EYS: variants seen among roughly 807,000 people sequenced by gnomAD.
EYS encodes EGF-like photoreceptor maintenance factor.
EYS carries 250 observed loss-of-function variants against 282.1 expected under a neutral mutation model. The observed-to-expected ratio is 0.89, with a 90% CI of 0.80 to 0.98. The LOEUF (loss-of-function observed/expected upper bound fraction) is 0.98, where lower values mean the gene tolerates loss of function less well. EYS is among the 50% of genes least tolerant of loss of function. EYS has a pLI of 0.00. For missense variants in EYS, 4,016 were observed against 3,709.0 expected, an observed-to-expected ratio of 1.08 and a Z score of -2.15; for synonymous variants, 1,355 against 1,282.9, an observed-to-expected ratio of 1.06 and a Z score of -1.20.
intron 5 of EYS, among the ~76,000 whole-genome samples, chr6:65,457,769 A>T (rs185866497): frequency 6.6e-6 from 1 of 152,304 alleles, no homozygotes; most frequent in Non-Finnish European, 1.5e-5. Context: ...CCTACAAATC[A>T]AGCTTAAACA....
chr6:65,110,491 A>G (rs4485992), intron 12 of EYS, among the ~76,000 whole-genome samples: 39,532 of 152,014 alleles, frequency 0.26, 6,291 homozygotes, highest in African/African-American at 0.44. Flanking sequence ...GAGGGCAAGG[A>G]CATTTGAATT....
At chr6:64,826,429 C>A (rs150560824) in intron 19 of EYS, among the ~76,000 whole-genome samples, 2 of 151,780 alleles carry the variant, frequency 1.3e-5, no homozygotes, top group East Asian at 3.9e-4. Flanking sequence ...CTTTTTTAAG[C>A]AGATTGGAAG....
chr6:64,391,083 T>C (rs1773116424), intron 28 of EYS, among the ~76,000 whole-genome samples: 1 of 151,882 alleles, frequency 6.6e-6, no homozygotes, highest in Non-Finnish European at 1.5e-5. Flanking sequence ...GAAAAAAGAA[T>C]AAAAAGAAAG....
chr6:64,001,024 G>A (rs1768074121), intron 33 of EYS, among the ~76,000 whole-genome samples: 1 of 152,186 alleles, frequency 6.6e-6, no homozygotes, highest in African/African-American at 2.4e-5. Flanking sequence ...TTGAGGAAAA[G>A]CCTAAGAGCA....
At chr6:64,630,535 T>C (rs1035695391) in intron 22 of EYS, among the ~76,000 whole-genome samples, 2 of 152,214 alleles carry the variant, frequency 1.3e-5, no homozygotes, top group African/African-American at 2.4e-5. Context: ...TGATACATGA[T>C]ATGATAATGA....
chr6:65,041,189 GAGA>G (rs750267995), intron 13 of EYS, among the ~76,000 whole-genome samples: 1 of 151,652 alleles, frequency 6.6e-6, no homozygotes, highest in African/African-American at 2.4e-5. Flanking sequence ...TAAAAAAGGA[GAGA>G]AGAAGAAAGG....
chr6:64,257,697 A>G (rs1187760440), intron 30 of EYS, among the ~76,000 whole-genome samples: 1 of 152,000 alleles, frequency 6.6e-6, no homozygotes, highest in Non-Finnish European at 1.5e-5. Flanking sequence ...AAGAAGTGAC[A>G]TGTAATTTAA....
chr6:65,512,998 C>G (rs1010515204), intron 2 of EYS, among the ~76,000 whole-genome samples: 5 of 152,030 alleles, frequency 3.3e-5, no homozygotes, highest in African/African-American at 4.8e-5. Context: ...AATGAATCCA[C>G]AAGCTGGTTT....
chr6:65,405,234 A>T lies in EYS; in HGVS notation c.996T>A (p.Asp332Glu), dbSNP rs756501139. 4 of 1,613,392 alleles carry T rather than the reference A, an allele frequency of 2.5e-6. No individual in the cohort carries two copies. The highest frequency in any genetic ancestry group is 1.7e-4 in the Middle Eastern group (1 of 6,054). ...ATGGTACTAATGAAAACTCACTGAC[A>T]TCAGTTTCACCATTTTGGCTGGAAG... is the stretch of plus-strand genomic sequence containing the variant. ...KGSSSQNGET[D>E]VSEFSLVPCQ... is the part of the protein sequence containing the mutation. Residue 332 changes from aspartate (D) to glutamate (E), a missense_variant, in exon 6 of 43, where the codon GAT becomes GAA. Transcript: ENST00000503581.
chr6:65,080,794 G>A (rs937971551), intron 12 of EYS, among the ~76,000 whole-genome samples: 2 of 152,040 alleles, frequency 1.3e-5, no homozygotes, highest in Non-Finnish European at 2.9e-5. Context: ...GAAACACAAT[G>A]TGCTATTTCA....
chr6:64,251,671 T>G (rs888822500), intron 30 of EYS, among the ~76,000 whole-genome samples: 1 of 152,180 alleles, frequency 6.6e-6, no homozygotes, highest in South Asian at 2.1e-4. Flanking sequence ...ATTATGACCA[T>G]GTTTTGCTGA....
At chr6:64,529,795 T>G (rs1489520090) in intron 26 of EYS, among the ~76,000 whole-genome samples, 2 of 151,376 alleles carry the variant, frequency 1.3e-5, no homozygotes, top group Non-Finnish European at 3.0e-5. Context: ...AAAATAAGTT[T>G]GCAGACTTGC....
At chr6:63,977,319 T>C (rs530573964) in intron 35 of EYS, among the ~76,000 whole-genome samples, 4 of 152,140 alleles carry the variant, frequency 2.6e-5, no homozygotes, top group African/African-American at 9.6e-5. Context: ...TCTTATCTTT[T>C]AGCTGTTTTG....
intron 12 of EYS, among the ~76,000 whole-genome samples, chr6:65,266,608 C>A (rs1215551719): frequency 6.6e-6 from 1 of 151,680 alleles, no homozygotes; most frequent in African/African-American, 2.4e-5. Context: ...ATTCGGTTTG[C>A]CAGTATTTTA....
chr6:64,507,161 A>ATT (rs1189057179), intron 26 of EYS, among the ~76,000 whole-genome samples: 8 of 151,914 alleles, frequency 5.3e-5, no homozygotes, highest in Admixed American at 4.6e-4. Context: ...CCTCTAAAGG[A>ATT]TTTTTTAATA....
intron 15 of EYS, among the ~76,000 whole-genome samples, chr6:64,919,495 T>C (rs1346032028): frequency 1.3e-5 from 2 of 151,254 alleles, no homozygotes; most frequent in African/African-American, 2.4e-5. Flanking sequence ...GTTTTAATAT[T>C]AATAGAAAAA....
chr6:65,443,728 ACG>A (rs1477914284), intron 5 of EYS, among the ~76,000 whole-genome samples: 111 of 55,044 alleles, frequency 2.0e-3, no homozygotes, highest in African/African-American at 5.5e-3. Context: ...ATATACACAT[ACG>A]TGCATATACA....
intron 30 of EYS, among the ~76,000 whole-genome samples, chr6:64,240,399 T>C (rs1466732722): frequency 6.6e-6 from 1 of 152,226 alleles, no homozygotes. Context: ...GGAATGTTTT[T>C]CCATTTGCTT....
At chr6:64,915,522 T>C (rs534938137) in intron 15 of EYS, among the ~76,000 whole-genome samples, 3 of 152,268 alleles carry the variant, frequency 2.0e-5, no homozygotes. Context: ...AAAGATTACA[T>C]GACATGATGA....
Sources: gnomAD v4.1 joint callset for allele counts (sites outside exome capture counted in the v4.1 genomes callset) on GRCh38, gnomAD v4.1.1 for gene constraint, MANE v1.5 for transcripts, NCBI Gene and HGNC (gene_info 2026-07-23, HGNC 2026-07-21) for gene names.